The following NEGR1 variants were observed in gnomAD, a reference collection of about 807,000 sequenced individuals.
The protein encoded by NEGR1 is neuronal growth regulator 1.
In NEGR1, 10 loss-of-function variants were observed where a neutral mutation model predicts 40.9. The ratio of observed to expected loss-of-function variants is 0.24; its 90% CI spans 0.15 to 0.42. The LOEUF (loss-of-function observed/expected upper bound fraction) is 0.42, where lower values mean the gene tolerates loss of function less well. Ranked by LOEUF, NEGR1 falls within the 10% of genes least tolerant of loss-of-function variation. The pLI is 1.00. For missense variants in NEGR1, 352 were observed against 438.9 expected, an observed-to-expected ratio of 0.80 and a Z score of 1.77; for synonymous variants, 185 against 166.8, an observed-to-expected ratio of 1.11 and a Z score of -0.84.
At chr1:71,927,738 G>A (rs528894356) in intron 2 of NEGR1, among the ~76,000 whole-genome samples, 17 of 146,480 alleles carry the variant, frequency 1.2e-4, no homozygotes, top group Middle Eastern at 7.1e-3. Context: ...CCAGCACTTT[G>A]GGAGGCTGGC....
intron 4 of NEGR1, among the ~76,000 whole-genome samples, chr1:71,696,250 G>A (rs1653470795): frequency 6.6e-6 from 1 of 151,686 alleles, no homozygotes. Flanking sequence ...CTTGACTAGG[G>A]AAAAGAGAAT....
intron 4 of NEGR1, among the ~76,000 whole-genome samples, chr1:71,658,702 CAG>C (rs1048017885): frequency 6.6e-6 from 1 of 152,092 alleles, no homozygotes; most frequent in African/African-American, 2.4e-5. Flanking sequence ...TAAAATTAAA[CAG>C]AGTTTCTGAA....
intron 6 of NEGR1, among the ~76,000 whole-genome samples, chr1:71,490,771 G>GT (rs1347752570): frequency 6.6e-6 from 1 of 151,972 alleles, no homozygotes; most frequent in Non-Finnish European, 1.5e-5. Flanking sequence ...TGGAAAGCCC[G>GT]TAACTGCAGA....
intron 2 of NEGR1, among the ~76,000 whole-genome samples, chr1:71,827,969 T>C (rs1658699103): frequency 6.6e-6 from 1 of 151,936 alleles, no homozygotes. Context: ...TTCTTATAGA[T>C]TCTGAAAGAA....
Position 72,142,518 on chromosome 1 carries a change from A to ACATAGAT in NEGR1, c.176+139800_176+139801insATCTATG, listed in dbSNP as rs1299129056. Among the ~76,000 whole-genome samples the ACATAGAT allele has an allele frequency of 1.9e-4, 26 of 136,812 alleles. 1 individual carries two copies. The highest frequency in any genetic ancestry group is 1.7e-3 in the Admixed American group (22 of 12,826). 89.8% of individuals were successfully genotyped at this position (136,812 alleles called of 152,430 possible). A position where few individuals can be genotyped will look rare whatever the true frequency, so the allele number is the denominator to read the frequency against. ...TACTAGCCACAATAATCTGATACCT[A>ACATAGAT]GATAGATGATAGATAGATAGATAGA... On this transcript the variant is annotated intron_variant, in intron 1 of 6. Transcript: ENST00000357731.
Position 71,787,418 on chromosome 1 carries a change from G to C in NEGR1, c.410-11121C>G, listed in dbSNP as rs1304008434. Among the ~76,000 whole-genome samples the C allele has an allele frequency of 3.3e-5, 5 of 152,152 alleles. No individual in the cohort carries two copies. In the East Asian group the frequency reaches 9.6e-4, roughly 29 times the overall value. On this transcript the variant is annotated intron_variant, in intron 2 of 6. Coordinates refer to ENST00000357731, the MANE Select transcript of NEGR1 (RefSeq NM_173808.3). Reference sequence around the variant, plus strand: ...TAAGTAACATATATGAGTAATGTGAGTCAGGACAAAGTATACATACATATT... The same window carrying C: ...TAAGTAACATATATGAGTAATGTGACTCAGGACAAAGTATACATACATATT...
intron 1 of NEGR1, among the ~76,000 whole-genome samples, chr1:72,093,148 T>G (rs1648560258): frequency 1.3e-5 from 2 of 151,810 alleles, no homozygotes; most frequent in Non-Finnish European, 2.9e-5. Context: ...CTGGCCAATG[T>G]GGTGAAACTC....
chr1:71,844,121 T>A (rs950563409), intron 2 of NEGR1, among the ~76,000 whole-genome samples: 3 of 152,196 alleles, frequency 2.0e-5, no homozygotes, highest in African/African-American at 7.2e-5. Context: ...TCTGTATTTT[T>A]AAAAATTACC....
intron 4 of NEGR1, among the ~76,000 whole-genome samples, chr1:71,647,534 T>C (rs1321210980): frequency 6.6e-6 from 1 of 151,982 alleles, no homozygotes; most frequent in Non-Finnish European, 1.5e-5. Flanking sequence ...TGTTAGTAGA[T>C]GAATGGTGTT....
In NEGR1 at chr1:72,124,439, A is replaced by G. The variant is rs184952140; in HGVS notation, c.176+157880T>C. Among the ~76,000 whole-genome samples, 841 of 152,118 alleles carry G rather than the reference A, an allele frequency of 5.5e-3. 5 individuals are homozygous for G. The highest frequency in any genetic ancestry group is 0.019 in the African/African-American group (803 of 41,516). ...AGATATTAAGACTAGGGCAGAAAAA[A>G]TATACAAGGCAACAGAACAGCCAAA... On this transcript the variant is annotated intron_variant, in intron 1 of 6. Transcript: ENST00000357731.
chr1:71,762,396 G>T (rs186637997), intron 3 of NEGR1, among the ~76,000 whole-genome samples: 323 of 152,104 alleles, frequency 2.1e-3, no homozygotes, highest in Non-Finnish European at 2.7e-3. Flanking sequence ...ATTAAAGAAT[G>T]CATATGTTGT....
chr1:71,918,495 G>C (rs182310852), intron 2 of NEGR1, among the ~76,000 whole-genome samples: 12 of 152,060 alleles, frequency 7.9e-5, no homozygotes, highest in Middle Eastern at 3.4e-3. Flanking sequence ...GGTCTGCAAG[G>C]TATCTTCATT....
chr1:71,446,719 A>T (rs895032241), intron 6 of NEGR1, among the ~76,000 whole-genome samples: 3 of 152,180 alleles, frequency 2.0e-5, no homozygotes, highest in Non-Finnish European at 2.9e-5. Flanking sequence ...ACATTGGAAA[A>T]GTGCATAAAT....
intron 1 of NEGR1, among the ~76,000 whole-genome samples, chr1:72,070,086 C>CT (rs1204020524): frequency 2.0e-5 from 3 of 151,944 alleles, no homozygotes; most frequent in East Asian, 1.9e-4. Flanking sequence ...ACATTTAAGA[C>CT]TTTTTTAAAA....
chr1:71,562,868 T>C (rs772339275), intron 6 of NEGR1, among the ~76,000 whole-genome samples: 6 of 151,992 alleles, frequency 3.9e-5, no homozygotes, highest in Non-Finnish European at 7.4e-5. Flanking sequence ...ACCAGATTCA[T>C]ATCACTTACC....
At chr1:72,262,610 T>C (rs1655496704) in intron 1 of NEGR1, among the ~76,000 whole-genome samples, 1 of 151,984 alleles carries the variant, frequency 6.6e-6, no homozygotes, top group East Asian at 1.9e-4. Context: ...GTTGTATCAA[T>C]GAATAAATCA....
chr1:71,770,361 C>G (rs1158946058), intron 3 of NEGR1, among the ~76,000 whole-genome samples: 2 of 152,138 alleles, frequency 1.3e-5, no homozygotes, highest in East Asian at 3.9e-4. Context: ...TTTTTTCTAT[C>G]CCTCACCCTG....
chr1:71,928,741 C>T (rs1645825987), intron 2 of NEGR1, among the ~76,000 whole-genome samples: 1 of 151,838 alleles, frequency 6.6e-6, no homozygotes, highest in Admixed American at 6.6e-5. Flanking sequence ...ATGCAATGTT[C>T]TTAGGCCTAG....
intron 1 of NEGR1, among the ~76,000 whole-genome samples, chr1:71,999,396 A>AT (rs1174784808): frequency 6.6e-6 from 1 of 150,960 alleles, no homozygotes; most frequent in Non-Finnish European, 1.5e-5. Context: ...TTCCCCACCC[A>AT]TTTTTTTCCT....
Sources: allele counts gnomAD v4.1 joint callset (sites outside exome capture counted in the v4.1 genomes callset), GRCh38; gene constraint gnomAD v4.1.1; transcripts MANE v1.5; gene names NCBI Gene and HGNC (gene_info 2026-07-23, HGNC 2026-07-21).